CDH8: variants seen among roughly 807,000 people sequenced by gnomAD.
CDH8 encodes cadherin 8.
CDH8 carries 17 observed loss-of-function variants against 68.1 expected under a neutral mutation model. The observed-to-expected ratio is 0.25, with a 90% CI of 0.17 to 0.37. The LOEUF (loss-of-function observed/expected upper bound fraction) is 0.37, where lower values mean the gene tolerates loss of function less well. Ranked by LOEUF, CDH8 falls within the 10% of genes least tolerant of loss-of-function variation. The probability of loss-of-function intolerance (pLI) is 1.00; values close to 1 mark genes in which losing one functional copy is unlikely to be tolerated. For synonymous variants in CDH8, 372 were observed against 365.1 expected (o/e 1.02, Z -0.21); for missense variants, 763 against 999.3 (o/e 0.76, Z 3.19).
At chr16:61,738,711 C>A (rs1959776472) in intron 8 of CDH8, among the ~76,000 whole-genome samples, 1 of 152,056 alleles carries the variant, frequency 6.6e-6, no homozygotes, top group Non-Finnish European at 1.5e-5. Flanking sequence ...TTTTATAATG[C>A]GTCCTACTTT....
chr16:62,000,849 TGTA>T (rs1261712562), intron 2 of CDH8, among the ~76,000 whole-genome samples: 4 of 152,210 alleles, frequency 2.6e-5, no homozygotes, highest in Admixed American at 2.0e-4. Context: ...TATTAGACAC[TGTA>T]GTAGTAACAC....
chr16:61,914,500 AT>A (rs970296778), intron 2 of CDH8, among the ~76,000 whole-genome samples: 16 of 150,158 alleles, frequency 1.1e-4, no homozygotes, highest in South Asian at 6.3e-4. Flanking sequence ...AGGTAGGGAG[AT>A]TTTTTTTTTC....
intron 3 of CDH8, among the ~76,000 whole-genome samples, chr16:61,869,027 A>C (rs1444542330): frequency 1.3e-5 from 2 of 152,200 alleles, no homozygotes. Flanking sequence ...AATCTGACGC[A>C]GACCATATTC....
chr16:61,933,613 A>G (rs1346250036), intron 2 of CDH8, among the ~76,000 whole-genome samples: 7 of 152,180 alleles, frequency 4.6e-5, no homozygotes, highest in Non-Finnish European at 1.0e-4. Flanking sequence ...CAGCAGCCCA[A>G]ATGGAGAGAC....
chr16:61,696,329 A>C (rs1279252767), intron 10 of CDH8, among the ~76,000 whole-genome samples: 1 of 152,236 alleles, frequency 6.6e-6, no homozygotes, highest in East Asian at 1.9e-4. Context: ...GACCCATCAG[A>C]GGTCTCAAAG....
chr16:61,671,495 A>T (rs185599513), intron 10 of CDH8, among the ~76,000 whole-genome samples: 1 of 152,146 alleles, frequency 6.6e-6, no homozygotes, highest in Admixed American at 6.6e-5. Flanking sequence ...ATGCAAGGAA[A>T]TGTGGTATCC....
At chr16:61,814,255 T>G (rs2142999601) in intron 7 of CDH8, among the ~76,000 whole-genome samples, 1 of 152,302 alleles carries the variant, frequency 6.6e-6, no homozygotes, top group Non-Finnish European at 1.5e-5. Flanking sequence ...AAATTCAAAA[T>G]ATGTCATATT....
intron 2 of CDH8, among the ~76,000 whole-genome samples, chr16:61,908,042 CAAAAAAAAAAAA>C (rs547459147): frequency 2.2e-5 from 2 of 91,610 alleles, no homozygotes; most frequent in Non-Finnish European, 4.4e-5. Flanking sequence ...GACTCAGTCT[CAAAAAAAAAAAA>C]AAAAAAAAAG....
intron 2 of CDH8, among the ~76,000 whole-genome samples, chr16:61,932,664 T>C (rs1964564443): frequency 6.6e-6 from 1 of 152,180 alleles, no homozygotes; most frequent in Non-Finnish European, 1.5e-5. Flanking sequence ...CTAAACCCTG[T>C]GGATATAAGA....
chr16:61,971,246 T>C (rs1376367704), intron 2 of CDH8, among the ~76,000 whole-genome samples: 3 of 152,144 alleles, frequency 2.0e-5, no homozygotes, highest in Non-Finnish European at 4.4e-5. Flanking sequence ...CAAAGCCTGT[T>C]TGGTGGTGTC....
rs185572745 is a variant in CDH8 at position 61,727,386 on chromosome 16, C to T, written c.1415-171G>A. Among the ~76,000 whole-genome samples, 106 of 149,690 alleles carry T rather than the reference C, an allele frequency of 7.1e-4. No homozygotes were observed. In the East Asian group the frequency reaches 0.019, roughly 27 times the overall value. On this transcript the variant is annotated intron_variant, in intron 8 of 11. Coordinates refer to ENST00000577390, the MANE Select transcript of CDH8 (RefSeq NM_001796.5). ...AAGAAAAATAGCAAGTGCTTGACTG[C>T]TTTAAAAAAAAGCATAAATTGTTAT...
At chr16:61,915,530 A>C (rs907223798) in intron 2 of CDH8, among the ~76,000 whole-genome samples, 1 of 152,202 alleles carries the variant, frequency 6.6e-6, no homozygotes, top group Non-Finnish European at 1.5e-5. Flanking sequence ...AACATTACGC[A>C]CCAGAACCAA....
chr16:61,943,943 C>T (rs563356207), intron 2 of CDH8, among the ~76,000 whole-genome samples: 54 of 152,228 alleles, frequency 3.5e-4, no homozygotes, highest in African/African-American at 1.0e-3. Context: ...TTTACCAAAG[C>T]CAGTGGAAGA....
intron 2 of CDH8, among the ~76,000 whole-genome samples, chr16:61,944,583 T>TA (rs1964772372): frequency 6.6e-6 from 1 of 152,200 alleles, no homozygotes; most frequent in Non-Finnish European, 1.5e-5. Context: ...TTATGAGAAT[T>TA]AAACATATTA....
At chr16:61,944,466 A>G (rs539519853) in intron 2 of CDH8, among the ~76,000 whole-genome samples, 3 of 152,304 alleles carry the variant, frequency 2.0e-5, no homozygotes, top group African/African-American at 4.8e-5. Context: ...AGTTGTTTCA[A>G]TATTGCCTGT....
intron 8 of CDH8, among the ~76,000 whole-genome samples, chr16:61,733,847 A>G (rs1188298051): frequency 2.6e-5 from 4 of 152,018 alleles, no homozygotes; most frequent in Non-Finnish European, 5.9e-5. Flanking sequence ...TATCTCCTCC[A>G]TAGTTATCTA....
chr16:61,959,860 T>A (rs2071063860), intron 2 of CDH8, among the ~76,000 whole-genome samples: 1 of 148,152 alleles, frequency 6.7e-6, no homozygotes, highest in Admixed American at 6.8e-5. Context: ...TATATGTATA[T>A]ATGTGTGCAT....
intron 7 of CDH8, among the ~76,000 whole-genome samples, chr16:61,804,175 T>C (rs1004979726): frequency 3.3e-5 from 5 of 149,518 alleles, no homozygotes; most frequent in Non-Finnish European, 7.4e-5. Context: ...CACTCAAAGC[T>C]GCTCAACTAC....
intron 3 of CDH8, among the ~76,000 whole-genome samples, chr16:61,886,840 A>G (rs1250326808): frequency 2.0e-5 from 3 of 152,132 alleles, no homozygotes; most frequent in African/African-American, 7.2e-5. Context: ...GACTAATTCA[A>G]CTAGATTTGG....
Sources: allele counts gnomAD v4.1 joint callset (sites outside exome capture counted in the v4.1 genomes callset), GRCh38; gene constraint gnomAD v4.1.1; transcripts MANE v1.5; gene names NCBI Gene and HGNC (gene_info 2026-07-23, HGNC 2026-07-21).